The following KDM4C variants were observed in gnomAD, a reference collection of about 807,000 sequenced individuals.
KDM4C encodes the protein lysine demethylase 4C, also known as lysine-specific demethylase 4C.
A neutral mutation model predicts 129.3 loss-of-function variants in KDM4C; 81 were observed. The observed-to-expected ratio is 0.63, with a 90% confidence interval of 0.52 to 0.75. The LOEUF (loss-of-function observed/expected upper bound fraction) is 0.75, where lower values mean the gene tolerates loss of function less well. Among genes scored for constraint, KDM4C ranks in the 30% least tolerant of loss-of-function variants. The pLI, the probability that KDM4C is intolerant of heterozygous loss-of-function variation, is 0.00. For missense variants in KDM4C, 1,457 were observed against 1,304.0 expected (o/e 1.12, Z -1.81); for synonymous variants, 573 against 456.1 (o/e 1.26, Z -3.26).
chr9:6,745,775 A>G (rs1203503124), intron 1 of KDM4C, among the ~76,000 whole-genome samples: 1 of 151,624 alleles, frequency 6.6e-6, no homozygotes, highest in African/African-American at 2.4e-5. Context: ...AGTAGCTGGG[A>G]CTAGTGCATG....
intron 19 of KDM4C, among the ~76,000 whole-genome samples, chr9:7,135,820 G>A (rs963974581): frequency 7.2e-5 from 11 of 152,222 alleles, no homozygotes; most frequent in African/African-American, 2.7e-4. Flanking sequence ...GTGCTCTGGA[G>A]TTTTGGGCCA....
Position 7,170,724 on chromosome 9 carries a change from T to G in KDM4C, c.2994+834T>G, listed in dbSNP as rs113944842. ...AAATGAAATTTTTTTTCTGAATAAT[T>G]CAGTTTAGTGAGTGCTTATGATATA... On this transcript the variant is annotated intron_variant, in intron 21 of 21. Coordinates refer to ENST00000381309, the MANE Select transcript of KDM4C (RefSeq NM_015061.6). 1.4e-4 allele frequency: 138 copies of G among 980,050 alleles called. 2 individuals carry two copies. In the African/African-American group the frequency reaches 2.3e-3, roughly 16 times the overall value. The allele number at this position is 980,050 out of a possible 1,614,324, so 60.7% of individuals were successfully genotyped here.
intron 18 of KDM4C, among the ~76,000 whole-genome samples, chr9:7,122,239 CCACACACA>C (rs147638679): frequency 1.0e-4 from 15 of 144,360 alleles, no homozygotes; most frequent in East Asian, 6.2e-4. Context: ...GTGGGAGATG[CCACACACA>C]CACACACACA....
chr9:6,988,453 G>A (rs2131888442), intron 11 of KDM4C, among the ~76,000 whole-genome samples: 1 of 152,162 alleles, frequency 6.6e-6, no homozygotes, highest in South Asian at 2.1e-4. Flanking sequence ...AGGCTGAGAG[G>A]CTTGGCTTGC....
At chr9:7,089,859 G>C (rs1017047630) in intron 17 of KDM4C, among the ~76,000 whole-genome samples, 7 of 152,364 alleles carry the variant, frequency 4.6e-5, no homozygotes, top group Admixed American at 1.3e-4. Flanking sequence ...GTGCTGCTTT[G>C]CTAGAGTCAT....
rs180678358 is a variant in KDM4C at position 6,722,448 on chromosome 9, C to T, written c.49+1451C>T. Among the ~76,000 whole-genome samples, 263 of 151,654 alleles carry T rather than the reference C, an allele frequency of 1.7e-3. 2 individuals are homozygous for T. Among genetic ancestry groups the T allele is most frequent in the African/African-American group, 6.0e-3 (250 of 41,356 alleles). On this transcript the variant is annotated intron_variant, in intron 1 of 17. Coordinates refer to the KDM4C transcript ENST00000536108. ...ATCCTAGCACTTTGGGAGGCTGAGG[C>T]GGGCAGATCTGTTGAGCTCAGGAGT...
At chr9:6,988,432 A>G (rs1220920549) in intron 11 of KDM4C, among the ~76,000 whole-genome samples, 1 of 152,056 alleles carries the variant, frequency 6.6e-6, no homozygotes, top group African/African-American at 2.4e-5. Flanking sequence ...AGAAACCAAC[A>G]TTGCTATTGA....
At chr9:6,953,272 A>T (rs527851102) in intron 8 of KDM4C, among the ~76,000 whole-genome samples, 3 of 152,228 alleles carry the variant, frequency 2.0e-5, no homozygotes, top group Non-Finnish European at 4.4e-5. Context: ...CTGTGTATTT[A>T]ATCACCAGCT....
chr9:7,138,974 TTTAA>T (rs1164478701), intron 19 of KDM4C, among the ~76,000 whole-genome samples: 3 of 152,142 alleles, frequency 2.0e-5, no homozygotes, highest in African/African-American at 4.8e-5. Flanking sequence ...CTTTCTAGCC[TTTAA>T]TTAATAATCT....
chr9:7,137,927 A>G (rs1841378855), intron 19 of KDM4C, among the ~76,000 whole-genome samples: 2 of 152,244 alleles, frequency 1.3e-5, no homozygotes, highest in Non-Finnish European at 2.9e-5. Flanking sequence ...TTCGATAGAT[A>G]TATCCAGAAG....
At chr9:6,901,454 C>T (rs568001446) in intron 8 of KDM4C, among the ~76,000 whole-genome samples, 93 of 152,280 alleles carry the variant, frequency 6.1e-4, no homozygotes, top group African/African-American at 2.1e-3. Flanking sequence ...CAGTTCCTGT[C>T]CTTCAGATTC....
chr9:6,802,993 A>T (rs1171018629), intron 2 of KDM4C, among the ~76,000 whole-genome samples: 1 of 152,264 alleles, frequency 6.6e-6, no homozygotes, highest in African/African-American at 2.4e-5. Flanking sequence ...TTACATTTTT[A>T]TACATTTGCA....
intron 17 of KDM4C, among the ~76,000 whole-genome samples, chr9:7,094,823 C>T (rs750966733): frequency 5.9e-5 from 9 of 152,134 alleles, no homozygotes; most frequent in Non-Finnish European, 1.3e-4. Flanking sequence ...ATGTGGGCTG[C>T]TGCTAGCATA....
chr9:6,721,037 A>G (rs746832240), intron 1 of KDM4C: 151 of 1,519,562 alleles, frequency 9.9e-5, no homozygotes, highest in Non-Finnish European at 1.3e-4. Context: ...CACTTTGTAC[A>G]TAGTTGGTGG....
At chr9:7,014,108 T>C in intron 14 of KDM4C, 107 bp downstream of exon 14, 1 of 791,400 alleles carries the variant, frequency 1.3e-6, no homozygotes, top group Non-Finnish European at 2.0e-6. Context: ...ACTATTGGCA[T>C]TCTTAATGGT....
intron 8 of KDM4C, among the ~76,000 whole-genome samples, chr9:6,978,100 T>C (rs572990915): frequency 1.3e-5 from 2 of 152,314 alleles, no homozygotes; most frequent in African/African-American, 2.4e-5. Context: ...AGTTTAATTC[T>C]ATTGTCAGCC....
intron 1 of KDM4C, among the ~76,000 whole-genome samples, chr9:6,760,539 C>CT (rs964868750): frequency 7.1e-6 from 1 of 141,720 alleles, no homozygotes; most frequent in African/African-American, 2.7e-5. Flanking sequence ...GGGTGATACT[C>CT]TTTTTTATTT....
At chr9:6,996,482 T>C (rs1346643193) in intron 12 of KDM4C, among the ~76,000 whole-genome samples, 5 of 152,246 alleles carry the variant, frequency 3.3e-5, no homozygotes, top group Non-Finnish European at 5.9e-5. Flanking sequence ...CAATAAAAAA[T>C]TTCCAGCTTT....
intron 12 of KDM4C, among the ~76,000 whole-genome samples, chr9:7,004,541 C>A (rs1376787099): frequency 6.6e-6 from 1 of 151,984 alleles, no homozygotes; most frequent in African/African-American, 2.4e-5. Context: ...TTTCATTAAT[C>A]CTCAAAAGCA....
Sources: allele counts gnomAD v4.1 joint callset (sites outside exome capture counted in the v4.1 genomes callset), GRCh38; gene constraint gnomAD v4.1.1; transcripts MANE v1.5; gene names NCBI Gene and HGNC (gene_info 2026-07-23, HGNC 2026-07-21).